The following FHOD3 variants were observed in gnomAD, a reference collection of about 807,000 sequenced individuals.
FHOD3 encodes formin homology 2 domain containing 3.
Under a neutral mutation model 173.0 loss-of-function variants are expected in FHOD3, and 90 were observed. The observed-to-expected ratio is 0.52, with a 90% CI of 0.44 to 0.62. The LOEUF is 0.62. Ranked by LOEUF, FHOD3 falls within the 20% of genes least tolerant of loss-of-function variation. FHOD3 has a pLI of 0.00. For synonymous variants in FHOD3, 828 were observed against 823.0 expected, an observed-to-expected ratio of 1.01 and a Z score of -0.10; for missense variants, 1,945 against 2,034.7, an observed-to-expected ratio of 0.96 and a Z score of 0.85.
chr18:36,499,043 G>T (rs1229452670), intron 3 of FHOD3, among the ~76,000 whole-genome samples: 1 of 152,078 alleles, frequency 6.6e-6, no homozygotes, highest in African/African-American at 2.4e-5. Context: ...CTGCTAACAA[G>T]TAAGAAGGTC....
chr18:36,705,986 TGTGTGC>T (rs1282993928), intron 17 of FHOD3, among the ~76,000 whole-genome samples: 1 of 132,882 alleles, frequency 7.5e-6, no homozygotes, highest in Non-Finnish European at 1.6e-5. Context: ...TGTGTGTGTG[TGTGTGC>T]ACGGAGAGAA....
chr18:36,312,771 A>C (rs1394860851), intron 1 of FHOD3, among the ~76,000 whole-genome samples: 1 of 152,242 alleles, frequency 6.6e-6, no homozygotes, highest in African/African-American at 2.4e-5. Flanking sequence ...ATTGCTCAGA[A>C]AATGTGGGTG....
chr18:36,530,590 T>C (rs188945917), intron 5 of FHOD3, among the ~76,000 whole-genome samples: 1 of 152,334 alleles, frequency 6.6e-6, no homozygotes, highest in East Asian at 1.9e-4. Context: ...TGTATGGATG[T>C]ACTGCAATTA....
intron 3 of FHOD3, among the ~76,000 whole-genome samples, chr18:36,458,746 G>A (rs935426144): frequency 6.7e-6 from 1 of 149,326 alleles, no homozygotes; most frequent in Non-Finnish European, 1.5e-5. Context: ...GAACCATCGG[G>A]GTGACTTGGC....
intron 20 of FHOD3, among the ~76,000 whole-genome samples, chr18:36,736,120 A>G (rs1211564280): frequency 2.0e-5 from 3 of 152,156 alleles, no homozygotes; most frequent in African/African-American, 7.2e-5. Flanking sequence ...CCCTCTAGGG[A>G]GTGGGAGCAC....
chr18:36,325,275 GATT>G (rs200510861), intron 1 of FHOD3, among the ~76,000 whole-genome samples: 5,055 of 152,086 alleles, frequency 0.033, 267 homozygotes, highest in African/African-American at 0.11. Flanking sequence ...CTCACTATGA[GATT>G]CATTGATTTA....
chr18:36,587,650 G>T (rs2059080933), intron 6 of FHOD3, among the ~76,000 whole-genome samples: 1 of 152,096 alleles, frequency 6.6e-6, no homozygotes, highest in Non-Finnish European at 1.5e-5. Flanking sequence ...AATTAGCTGG[G>T]CTTGGTGGTG....
intron 1 of FHOD3, among the ~76,000 whole-genome samples, chr18:36,330,938 G>T (rs1245308082): frequency 6.6e-6 from 1 of 152,122 alleles, no homozygotes; most frequent in East Asian, 1.9e-4. Context: ...TGCTCATTTG[G>T]GAGCTGGCCT....
intron 2 of FHOD3, among the ~76,000 whole-genome samples, chr18:36,369,504 TATAG>T (rs1328996246): frequency 6.2e-5 from 8 of 129,366 alleles, no homozygotes; most frequent in East Asian, 6.7e-4. Flanking sequence ...CACACATATA[TATAG>T]AGAGAGAGAG....
At chr18:36,718,807 G>T (rs2040604008) in intron 19 of FHOD3, 92 bp downstream of exon 19, 1 of 1,508,790 alleles carries the variant, frequency 6.6e-7, no homozygotes, top group Admixed American at 2.2e-5. Flanking sequence ...CATTGCTTTT[G>T]CTATTTGGTA....
chr18:36,708,995 C>T, intron 17 of FHOD3, 100 bp from the exon 18 acceptor site: 1 of 1,409,336 alleles, frequency 7.1e-7, no homozygotes, highest in Non-Finnish European at 9.7e-7. Context: ...CTTTGGACAT[C>T]TGTCCACCAC....
At chr18:36,329,681 A>G (rs1231699932) in intron 1 of FHOD3, among the ~76,000 whole-genome samples, 1 of 152,162 alleles carries the variant, frequency 6.6e-6, no homozygotes, top group Non-Finnish European at 1.5e-5. Flanking sequence ...GAACTGGCTC[A>G]AGGAAAGGAT....
In FHOD3 at chr18:36,500,894, T is replaced by C. The variant is rs111921862; in HGVS notation, c.338-1038T>C. Among the ~76,000 whole-genome samples, 134 of 152,184 alleles carry C rather than the reference T, an allele frequency of 8.8e-4. 3 individuals carry two copies. The highest frequency in any genetic ancestry group is 2.4e-4 in the Non-Finnish European group (16 of 68,026). ...CAACCCTATGCACACCTGAGCCACCTGGATCAGGACCAAGTGTGGGTGCTG... is the reference window on the plus strand; with the variant it reads ...CAACCCTATGCACACCTGAGCCACCCGGATCAGGACCAAGTGTGGGTGCTG... On this transcript the variant is annotated intron_variant, in intron 3 of 28. Coordinates refer to ENST00000590592, the MANE Select transcript of FHOD3 (RefSeq NM_001281740.3).
At chr18:36,450,156 T>A (rs1157426967) in intron 3 of FHOD3, among the ~76,000 whole-genome samples, 12 of 152,202 alleles carry the variant, frequency 7.9e-5, no homozygotes, top group Admixed American at 6.5e-4. Flanking sequence ...CACCTATGAG[T>A]GAGAACATAC....
At chr18:36,588,392 A>G (rs2059109701) in intron 6 of FHOD3, among the ~76,000 whole-genome samples, 2 of 152,348 alleles carry the variant, frequency 1.3e-5, no homozygotes, top group South Asian at 2.1e-4. Context: ...CTTGTAAACA[A>G]TGTGGTAAAA....
chr18:36,469,684 T>C (rs2053162634), intron 3 of FHOD3, among the ~76,000 whole-genome samples: 1 of 152,128 alleles, frequency 6.6e-6, no homozygotes, highest in African/African-American at 2.4e-5. Flanking sequence ...GGCAGGGGGT[T>C]GTGAGGCCTC....
intron 6 of FHOD3, among the ~76,000 whole-genome samples, chr18:36,584,854 T>G (rs1182798085): frequency 2.0e-5 from 3 of 152,178 alleles, no homozygotes; most frequent in Non-Finnish European, 2.9e-5. Flanking sequence ...TTACTGAATT[T>G]TTTTGTGATT....
chr18:36,755,381 A>G, intron 25 of FHOD3, 70 bp downstream of exon 25: 1 of 692,772 alleles, frequency 1.4e-6, no homozygotes, highest in Non-Finnish European at 2.0e-6. Flanking sequence ...AATCCTCCCC[A>G]CAGTTAAAAG....
chr18:36,512,758 C>T (rs1270473141), intron 5 of FHOD3, among the ~76,000 whole-genome samples: 1 of 152,062 alleles, frequency 6.6e-6, no homozygotes, highest in East Asian at 1.9e-4. Flanking sequence ...TGACTTTCAC[C>T]TGGAGTTATT....
Sources: allele counts gnomAD v4.1 joint callset (sites outside exome capture counted in the v4.1 genomes callset), GRCh38; gene constraint gnomAD v4.1.1; transcripts MANE v1.5; gene names NCBI Gene and HGNC (gene_info 2026-07-23, HGNC 2026-07-21).